The following ANKRD10 variants were observed in gnomAD, a reference collection of about 807,000 sequenced individuals.
The protein encoded by ANKRD10 is ankyrin repeat domain 10.
Under a neutral mutation model 27.0 loss-of-function variants are expected in ANKRD10, and 14 were observed. The observed-to-expected ratio is 0.52, with a 90% CI of 0.34 to 0.81. ANKRD10 has a LOEUF of 0.81. ANKRD10 is among the 40% of genes least tolerant of loss of function. The probability of loss-of-function intolerance (pLI) is 0.01; values close to 1 mark genes in which losing one functional copy is unlikely to be tolerated. For missense variants in ANKRD10, 493 were observed against 544.0 expected, an observed-to-expected ratio of 0.91 and a Z score of 0.93; for synonymous variants, 250 against 224.5, an observed-to-expected ratio of 1.11 and a Z score of -1.01.
chr13:110,879,790 AT>A lies in ANKRD10; in HGVS notation c.1109del (p.Asp370ValfsTer21). 3.7e-6 allele frequency: 6 copies of A among 1,614,228 alleles called. No homozygotes were observed. The highest frequency in any genetic ancestry group is 5.1e-6 in the Non-Finnish European group (6 of 1,180,032). ...CGTGGTAGTGTCCATAGTACAGGTT[AT>A]CCCCAATGTCTTCCACCCAGGAAGG... ...SRPSWVEDIG[D>X]NLYYGHYHGF... is the part of the protein sequence containing the mutation. On this transcript the variant is annotated frameshift_variant, in exon 6 of 6. Transcript: ENST00000267339. LOFTEE classifies it low-confidence loss of function (END_TRUNC).
At chr13:110,900,741 G>C in intron 3 of ANKRD10, 1 of 1,275,296 alleles carries the variant, frequency 7.8e-7, no homozygotes, top group Admixed American at 1.9e-5. Flanking sequence ...AGAATCTTCT[G>C]TGTGATTTAA....
chr13:110,890,327 G>A (rs1054598361), intron 4 of ANKRD10, among the ~76,000 whole-genome samples: 1 of 152,040 alleles, frequency 6.6e-6, no homozygotes, highest in Non-Finnish European at 1.5e-5. Context: ...CCCAATACCC[G>A]ACATCAGCAC....
At chr13:110,911,862 T>C (rs548341966) in intron 1 of ANKRD10, 8 of 152,346 alleles carry the variant, frequency 5.3e-5, no homozygotes, top group South Asian at 2.1e-4. Flanking sequence ...CTATTTTCTA[T>C]AGTGTGCACA....
In ANKRD10 at chr13:110,893,211, A is replaced by G; in HGVS notation, c.508T>C (p.Phe170Leu). ...TAADIAQTQG[F>L]QECAQFLLNL... is the part of the protein sequence containing the mutation. ...AAGAGAAACTGGGCACACTCTTGGAAACCCTGGGTTTGTGCAATGTCTGCT... is the reference window on the plus strand; with the variant it reads ...AAGAGAAACTGGGCACACTCTTGGAGACCCTGGGTTTGTGCAATGTCTGCT... The change falls in exon 4 of 6, where the codon TTC (phenylalanine) becomes CTC (leucine). Residue 170 changes from phenylalanine to leucine, a missense_variant. By Grantham distance (22) the Phe-to-Leu change is conservative (BLOSUM62 0). Coordinates refer to ENST00000267339, the MANE Select transcript of ANKRD10 (RefSeq NM_017664.4). 1 of 1,614,166 alleles carries G rather than the reference A, an allele frequency of 6.2e-7. No individual in the cohort carries two copies. Among genetic ancestry groups the G allele is most frequent in the Non-Finnish European group, 8.5e-7 (1 of 1,180,008 alleles).
At chr13:110,884,964 G>T (rs938392892) in intron 4 of ANKRD10, among the ~76,000 whole-genome samples, 4 of 151,854 alleles carry the variant, frequency 2.6e-5, no homozygotes, top group Non-Finnish European at 4.4e-5. Context: ...AGATGCTAAT[G>T]TACAGAATGA....
Position 110,910,249 on chromosome 13 carries a change from C to T in ANKRD10, c.363+369G>A, listed in dbSNP as rs1367698793. The stretch of plus-strand genomic sequence containing the variant: ...GCTCACTTTGGAGCTGACTTAATAG[C>T]CATGCTTTTCCCAGGATGAAAATGT... On this transcript the variant is annotated intron_variant, in intron 2 of 5. Coordinates refer to ENST00000267339, the MANE Select transcript of ANKRD10 (RefSeq NM_017664.4). Among the ~76,000 whole-genome samples the T allele has an allele frequency of 2.0e-5, 3 of 152,202 alleles. No individual in the cohort carries two copies. In the East Asian group the frequency reaches 5.8e-4, roughly 29 times the overall value.
intron 1 of ANKRD10, 134 bp downstream of exon 1, chr13:110,914,566 CCGCACAGGCGCCCTAGGCCCCTCGG>C (rs1384667364): frequency 6.0e-5 from 63 of 1,058,280 alleles, no homozygotes; most frequent in South Asian, 3.5e-4. Flanking sequence ...GCGAGCGCTG[CCGCACAGGCGCCCTAGGCCCCTCGG>C]GGCACAGGCG....
chr13:110,902,211 G>T (rs142049628), intron 3 of ANKRD10, among the ~76,000 whole-genome samples: 1 of 152,118 alleles, frequency 6.6e-6, no homozygotes, highest in Non-Finnish European at 1.5e-5. Flanking sequence ...CAAATATAAA[G>T]AAACCACGAA....
At chr13:110,889,275 C>A (rs531621279) in intron 4 of ANKRD10, among the ~76,000 whole-genome samples, 4 of 152,138 alleles carry the variant, frequency 2.6e-5, no homozygotes, top group East Asian at 3.9e-4. Context: ...AAAACAACAA[C>A]AAAAAAATTA....
At chr13:110,885,683 C>T (rs1446671363) in intron 4 of ANKRD10, among the ~76,000 whole-genome samples, 1 of 152,204 alleles carries the variant, frequency 6.6e-6, no homozygotes, top group Non-Finnish European at 1.5e-5. Flanking sequence ...AGAGAACCTG[C>T]AGCCAAGAGC....
chr13:110,907,420 G>GA lies in ANKRD10; in HGVS notation c.364-1297dup, dbSNP rs568634051. Among the ~76,000 whole-genome samples the GA allele has an allele frequency of 7.9e-5, 12 of 152,230 alleles. No homozygotes were observed. The South Asian group carries it at 2.5e-3, about 32-fold the overall frequency. ...GAGTGCAGCAACTGTGGGTCACTTA[G>GA]AAAACAGTTCATTCCTAAACTCACT... On this transcript the variant is annotated intron_variant, in intron 2 of 5. Transcript: ENST00000267339.
At chr13:110,886,566 G>T (rs557217217) in intron 4 of ANKRD10, among the ~76,000 whole-genome samples, 1 of 152,226 alleles carries the variant, frequency 6.6e-6, no homozygotes, top group East Asian at 1.9e-4. Flanking sequence ...TATTAAGCCC[G>T]CAATTATCTC....
chr13:110,914,187 T>A (rs562385350), intron 1 of ANKRD10, among the ~76,000 whole-genome samples: 1 of 152,186 alleles, frequency 6.6e-6, no homozygotes, highest in East Asian at 1.9e-4. Context: ...GCTGAGCTCG[T>A]CCGCAGCGCG....
At chr13:110,912,612 C>T (rs1439238245) in intron 1 of ANKRD10, among the ~76,000 whole-genome samples, 1 of 152,180 alleles carries the variant, frequency 6.6e-6, no homozygotes, top group South Asian at 2.1e-4. Context: ...TGGAAAGATA[C>T]TGTTCAATAT....
At chr13:110,907,343 T>C (rs2065565850) in intron 2 of ANKRD10, among the ~76,000 whole-genome samples, 1 of 152,176 alleles carries the variant, frequency 6.6e-6, no homozygotes, top group Non-Finnish European at 1.5e-5. Context: ...GCAACCTCAC[T>C]GGAAGCTGAA....
chr13:110,894,007 G>T (rs1201078030), intron 3 of ANKRD10: 11 of 821,398 alleles, frequency 1.3e-5, no homozygotes, highest in Admixed American at 7.1e-5. Flanking sequence ...AAAAAGGAAA[G>T]GTCTGAGACC....
intron 5 of ANKRD10, chr13:110,883,124 T>C (rs1405054804): frequency 6.6e-6 from 1 of 152,270 alleles, no homozygotes; most frequent in Non-Finnish European, 1.5e-5. Flanking sequence ...TTTAACAGAC[T>C]CAGAATGAAG....
chr13:110,897,343 C>T (rs1316325601), intron 3 of ANKRD10, among the ~76,000 whole-genome samples: 4 of 142,876 alleles, frequency 2.8e-5, no homozygotes, highest in Non-Finnish European at 6.0e-5. Context: ...AGGCTGGTCT[C>T]AAACTCCAGG....
chr13:110,905,910 G>A (rs1339153062), intron 3 of ANKRD10, 123 bp downstream of exon 3: 2 of 898,834 alleles, frequency 2.2e-6, no homozygotes, highest in Non-Finnish European at 3.3e-6. Flanking sequence ...GTTCTAAAAG[G>A]CAAAATTACA....
Sources: gnomAD v4.1 joint callset for allele counts (sites outside exome capture counted in the v4.1 genomes callset) on GRCh38, gnomAD v4.1.1 for gene constraint, MANE v1.5 for transcripts, NCBI Gene and HGNC (gene_info 2026-07-23, HGNC 2026-07-21) for gene names.